The following PDE9A variants were observed in gnomAD, a reference collection of about 807,000 sequenced individuals.
PDE9A encodes the protein high affinity cGMP-specific 3',5'-cyclic phosphodiesterase 9A.
A neutral mutation model predicts 87.4 loss-of-function variants in PDE9A; 60 were observed. The ratio of observed to expected loss-of-function variants is 0.69; its 90% CI spans 0.56 to 0.85. The LOEUF (loss-of-function observed/expected upper bound fraction) is 0.85, where lower values mean the gene tolerates loss of function less well. PDE9A is among the 40% of genes least tolerant of loss of function. The pLI is 0.00. For synonymous variants in PDE9A, 272 were observed against 279.4 expected (o/e 0.97, Z 0.27); for missense variants, 665 against 779.0 (o/e 0.85, Z 1.74).
At chr21:42,763,717 G>A (rs569440401) in intron 14 of PDE9A, among the ~76,000 whole-genome samples, 2 of 152,334 alleles carry the variant, frequency 1.3e-5, no homozygotes, top group East Asian at 3.9e-4. Context: ...AGTCTAAGTG[G>A]CTTCCTTCCA....
chr21:42,765,621 A>T (rs748375207), intron 15 of PDE9A, 127 bp downstream of exon 15: 1 of 703,632 alleles, frequency 1.4e-6, no homozygotes, highest in South Asian at 1.5e-5. Flanking sequence ...GTGTCTATAA[A>T]TCTGGTTTTC....
At chr21:42,687,429 C>G (rs1017866469) in intron 2 of PDE9A, among the ~76,000 whole-genome samples, 2 of 152,166 alleles carry the variant, frequency 1.3e-5, no homozygotes, top group African/African-American at 4.8e-5. Context: ...CAGAGATTAA[C>G]TTGGTCGAGG....
At chr21:42,664,110 C>T (rs1001149953) in intron 1 of PDE9A, among the ~76,000 whole-genome samples, 10 of 152,340 alleles carry the variant, frequency 6.6e-5, no homozygotes, top group Non-Finnish European at 1.3e-4. Flanking sequence ...CCACCTGCCC[C>T]TCGGAGTGCC....
At position 42,659,729 on chromosome 21, in the gene PDE9A, A is replaced by C. The variant is rs987202890; in HGVS notation, c.69+5846A>C. On this transcript the variant is annotated intron_variant, in intron 1 of 19. Transcript: ENST00000291539. The surrounding 1 kb of genome is among the most constrained non-coding windows in gnomAD (Gnocchi z 4.1). ...CACAGGCTCCCATGAAGAAGGAGCC[A>C]GAACCACAGGCCCCATGAGCCCAGG... Among the ~76,000 whole-genome samples, 1 of 152,240 alleles carries C rather than the reference A, an allele frequency of 6.6e-6. No homozygotes were observed. Among genetic ancestry groups the C allele is most frequent in the African/African-American group, 2.4e-5 (1 of 41,466 alleles).
chr21:42,763,348 G>T (rs1301220784), intron 14 of PDE9A, among the ~76,000 whole-genome samples: 1 of 152,196 alleles, frequency 6.6e-6, no homozygotes, highest in Non-Finnish European at 1.5e-5. Context: ...TGTCTAAGGG[G>T]GCCGTAAATC....
intron 4 of PDE9A, chr21:42,700,552 A>G (rs956952819): frequency 6.6e-6 from 1 of 152,168 alleles, no homozygotes; most frequent in Admixed American, 6.5e-5. Context: ...CGTGGGGCGC[A>G]TGACAGCCAG....
chr21:42,712,346 A>G (rs1295442991), intron 4 of PDE9A, among the ~76,000 whole-genome samples: 2 of 152,230 alleles, frequency 1.3e-5, no homozygotes, highest in African/African-American at 4.8e-5. Flanking sequence ...TTATAAAAAT[A>G]TAATAGATTT....
At chr21:42,756,200 A>G (rs1368565917) in intron 10 of PDE9A, among the ~76,000 whole-genome samples, 1 of 152,218 alleles carries the variant, frequency 6.6e-6, no homozygotes, top group Non-Finnish European at 1.5e-5. Flanking sequence ...AGTGCTTCCA[A>G]GAAGTATCTA....
Position 42,775,427 on chromosome 21 carries a change from CAAA to C in PDE9A, c.*145_*147del, listed in dbSNP as rs113117026. 8.0e-4 allele frequency: 331 copies of C among 413,584 alleles called. No individual in the cohort carries two copies. The highest frequency in any genetic ancestry group is 1.6e-3 in the South Asian group (32 of 20,314). The allele number at this position is 413,584 out of a possible 1,614,324, so 25.6% of individuals were successfully genotyped here. Reference sequence around the variant, plus strand: ...CTAAGAACCATTTTGTTCACTGATACAAAAAAAAAAAAAGGAATTCATGATGCT... The same window carrying C: ...CTAAGAACCATTTTGTTCACTGATACAAAAAAAAAAGGAATTCATGATGCT... On this transcript the variant is annotated 3_prime_UTR_variant, in exon 20 of 20. Coordinates refer to ENST00000291539, the MANE Select transcript of PDE9A (RefSeq NM_002606.3).
At chr21:42,766,880 G>C (rs2056456454) in intron 15 of PDE9A, among the ~76,000 whole-genome samples, 1 of 152,078 alleles carries the variant, frequency 6.6e-6, no homozygotes, top group Admixed American at 6.5e-5. Context: ...AGAGGTCAGG[G>C]AAGAGACGGG....
chr21:42,768,451 A>G lies in PDE9A; in HGVS notation c.1461+159A>G, dbSNP rs2056612302. ...CCTTCAGGGTAAGCGTACATCAGAA[A>G]CAAAATAGGTTATAATTTGAGACCT... is the stretch of plus-strand genomic sequence containing the variant. On this transcript the variant is annotated intron_variant, in intron 16 of 19. Coordinates refer to ENST00000291539, the MANE Select transcript of PDE9A (RefSeq NM_002606.3). 3 of 1,115,780 alleles carry G rather than the reference A, an allele frequency of 2.7e-6. No homozygotes were observed. The South Asian group carries it at 5.7e-5, about 21-fold the overall frequency. The allele number at this position is 1,115,780 out of a possible 1,614,324, so 69.1% of individuals were successfully genotyped here.
intron 4 of PDE9A, among the ~76,000 whole-genome samples, chr21:42,717,122 GT>G (rs961243823): frequency 1.3e-5 from 2 of 151,208 alleles, no homozygotes; most frequent in African/African-American, 4.8e-5. Context: ...CTTCCAGATA[GT>G]TTTTTAATAG....
intron 3 of PDE9A, chr21:42,689,451 G>C: frequency 1.3e-6 from 1 of 773,260 alleles, no homozygotes; most frequent in Non-Finnish European, 1.6e-6. Flanking sequence ...AGCCTGGGGG[G>C]TCTCGCTCAG....
At chr21:42,697,350 C>T (rs1602115314) in intron 3 of PDE9A, 1 of 935,254 alleles carries the variant, frequency 1.1e-6, no homozygotes, top group East Asian at 2.4e-5. Flanking sequence ...GTATTGCCCC[C>T]AGTTAATCAC....
In PDE9A at chr21:42,760,653, AC is replaced by A; in HGVS notation, c.1003-165del. On this transcript the variant is annotated intron_variant, in intron 12 of 19. Coordinates refer to ENST00000291539, the MANE Select transcript of PDE9A (RefSeq NM_002606.3). The surrounding 1 kb of genome is among the most constrained non-coding windows in gnomAD (Gnocchi z 5.2). Reference sequence around the variant, plus strand: ...GAGCAGGTGAGTCCCCGACCTGGTCACCCCCCCAACCCCCACAGGCAGGCCG... The same window carrying A: ...GAGCAGGTGAGTCCCCGACCTGGTCACCCCCCAACCCCCACAGGCAGGCCG... Among the ~76,000 whole-genome samples, 1 of 149,628 alleles carries A rather than the reference AC, an allele frequency of 6.7e-6. No individual in the cohort carries two copies. Among genetic ancestry groups the A allele is most frequent in the Admixed American group, 6.6e-5 (1 of 15,040 alleles).
chr21:42,765,440 T>C lies in PDE9A; in HGVS notation c.1302T>C (p.Ser434=). The change falls in exon 15 of 20, where the codon TCT becomes TCC. Residue 434 remains serine (S), a synonymous_variant. Transcript: ENST00000291539. ...DMARHAEIMD[S]FKEKMENFDY... is the part of the protein sequence containing the mutation. ...CAAGACATGCAGAAATTATGGATTC[T>C]TTCAAAGAGAAAATGGAGAATTTTG... is the stretch of plus-strand genomic sequence containing the variant. The C allele has an allele frequency of 6.2e-7, 1 of 1,613,138 alleles. No homozygotes were observed.
chr21:42,755,313 A>T (rs528023005), intron 10 of PDE9A, among the ~76,000 whole-genome samples: 1 of 152,328 alleles, frequency 6.6e-6, no homozygotes, highest in Admixed American at 6.5e-5. Context: ...CCCTCTCCTA[A>T]GTGAACCTCT....
intron 15 of PDE9A, among the ~76,000 whole-genome samples, chr21:42,766,377 GAGAA>G (rs2056403164): frequency 6.6e-6 from 1 of 151,640 alleles, no homozygotes; most frequent in Non-Finnish European, 1.5e-5. Flanking sequence ...GGCCTTCAGA[GAGAA>G]AGCTGGTTTT....
At chr21:42,768,431 A>C in intron 16 of PDE9A, 139 bp downstream of exon 16, 1 of 1,057,094 alleles carries the variant, frequency 9.5e-7, no homozygotes, top group Non-Finnish European at 1.3e-6. Context: ...GAAAGCCTTC[A>C]GGGTAAGCGT....
Sources: allele counts gnomAD v4.1 joint callset (sites outside exome capture counted in the v4.1 genomes callset), GRCh38; gene constraint gnomAD v4.1.1; non-coding constraint Gnocchi (gnomAD v3.1); transcripts MANE v1.5; gene names NCBI Gene and HGNC (gene_info 2026-07-23, HGNC 2026-07-21).